RGPD8: variants seen among roughly 807,000 people sequenced by gnomAD.
RGPD8 encodes the protein RANBP2-like and GRIP domain-containing protein 8.
In RGPD8, 15 loss-of-function variants were observed where a neutral mutation model predicts 89.1. That is an observed-to-expected ratio of 0.17 (90% CI 0.11 to 0.26). The LOEUF (loss-of-function observed/expected upper bound fraction) is 0.26, where lower values mean the gene tolerates loss of function less well. Ranked by LOEUF, RGPD8 falls within the 10% of genes least tolerant of loss-of-function variation. The probability of loss-of-function intolerance (pLI) is 1.00; values close to 1 mark genes in which losing one functional copy is unlikely to be tolerated. For missense variants in RGPD8, 178 were observed against 1,179.6 expected (o/e 0.15, Z 12.44); for synonymous variants, 62 against 420.9 (o/e 0.15, Z 10.44).
At chr2:112,373,661 TA>T (rs766722908) in intron 22 of RGPD8, among the ~76,000 whole-genome samples, 667 of 150,738 alleles carry the variant, frequency 4.4e-3, no homozygotes, top group Non-Finnish European at 7.0e-3. Flanking sequence ...TATTTCTTAA[TA>T]TTTTTTTAAA....
chr2:112,381,824 CA>C (rs1424534109), intron 20 of RGPD8, among the ~76,000 whole-genome samples: 107 of 150,902 alleles, frequency 7.1e-4, no homozygotes, highest in Non-Finnish European at 7.0e-4. Flanking sequence ...AAGCCTAGGG[CA>C]AGAGCTAGCA....
At chr2:112,373,317 G>C (rs1678014630) in intron 22 of RGPD8, among the ~76,000 whole-genome samples, 1 of 152,292 alleles carries the variant, frequency 6.6e-6, no homozygotes, top group South Asian at 2.1e-4. Flanking sequence ...TTATAACGCA[G>C]AGTTGTAACA....
At chr2:112,430,659 A>G (rs1196941345) in intron 1 of RGPD8, among the ~76,000 whole-genome samples, 1 of 147,552 alleles carries the variant, frequency 6.8e-6, no homozygotes, top group Admixed American at 6.7e-5. Context: ...TTTTTTTTTT[A>G]AGCTTGTTTA....
At chr2:112,415,618 T>G (rs1679367534) in intron 6 of RGPD8, among the ~76,000 whole-genome samples, 1 of 151,238 alleles carries the variant, frequency 6.6e-6, no homozygotes, top group Admixed American at 6.6e-5. Context: ...GGATAAGCTC[T>G]TATTCAGAGC....
rs1016841179 is a variant in RGPD8, at chr2:112,387,767, C to T, written c.4921+257G>A. On this transcript the variant is annotated intron_variant, in intron 20 of 22. Transcript: ENST00000302558. Reference sequence around the variant, plus strand: ...CATGATTCAAGCATGACTCCGTACACTGTACCAAGTTCTTTTGCTCTGCCC... The same window carrying T: ...CATGATTCAAGCATGACTCCGTACATTGTACCAAGTTCTTTTGCTCTGCCC... Among the ~76,000 whole-genome samples, 19 of 145,980 alleles carry T rather than the reference C, an allele frequency of 1.3e-4. 3 individuals carry two copies. Among genetic ancestry groups the T allele is most frequent in the African/African-American group, 4.7e-4 (19 of 40,020 alleles).
At chr2:112,432,287 A>G (rs1680073613) in intron 1 of RGPD8, among the ~76,000 whole-genome samples, 2 of 152,186 alleles carry the variant, frequency 1.3e-5, no homozygotes, top group South Asian at 4.1e-4. Context: ...CTTGTGGAAA[A>G]GGTTAAAAAT....
chr2:112,414,390 T>C (rs1574013807), intron 6 of RGPD8, among the ~76,000 whole-genome samples: 1 of 98,686 alleles, frequency 1.0e-5, no homozygotes, highest in African/African-American at 4.8e-5. Flanking sequence ...GGCAGGAGAA[T>C]CGCTTGAACC....
intron 1 of RGPD8, among the ~76,000 whole-genome samples, chr2:112,427,024 C>T (rs886974039): frequency 2.0e-4 from 30 of 151,796 alleles, no homozygotes; most frequent in African/African-American, 7.0e-4. Flanking sequence ...GTCGATCTCT[C>T]GACCTTGTGA....
At chr2:112,402,923 A>G (rs1420187151) in intron 9 of RGPD8, among the ~76,000 whole-genome samples, 2 of 9,886 alleles carry the variant, frequency 2.0e-4, no homozygotes, top group African/African-American at 5.8e-4. Context: ...GCTCATGCCT[A>G]TAATTCCAAC....
chr2:112,425,147 C>A (rs2104832770), intron 1 of RGPD8, among the ~76,000 whole-genome samples: 1 of 152,188 alleles, frequency 6.6e-6, no homozygotes, highest in Non-Finnish European at 1.5e-5. Flanking sequence ...TTTCATCAGC[C>A]TTGGAAATCT....
chr2:112,429,341 C>T (rs1356143312), intron 1 of RGPD8, among the ~76,000 whole-genome samples: 5 of 135,272 alleles, frequency 3.7e-5, no homozygotes, highest in East Asian at 2.3e-4. Context: ...GCGTGAACCC[C>T]GGAGGCAGAG....
intron 2 of RGPD8, among the ~76,000 whole-genome samples, chr2:112,423,637 G>C (rs1291425020): frequency 7.6e-5 from 11 of 144,018 alleles, no homozygotes; most frequent in African/African-American, 2.6e-4. Context: ...CCAGAAGGCA[G>C]AGGTTACAGT....
At chr2:112,414,155 G>A (rs1378449838) in intron 6 of RGPD8, among the ~76,000 whole-genome samples, 1 of 146,622 alleles carries the variant, frequency 6.8e-6, no homozygotes, top group Non-Finnish European at 1.5e-5. Flanking sequence ...CTTTTTTGCT[G>A]TTGGGAAATA....
In RGPD8 at chr2:112,430,890, A is replaced by G. The variant is rs537229821; in HGVS notation, c.72+2492T>C. On this transcript the variant is annotated intron_variant, in intron 1 of 22. Coordinates refer to ENST00000302558, the MANE Select transcript of RGPD8 (RefSeq NM_001164463.1). ...GAGGACGGATTGAGCCCAGGACGTC[A>G]ACGCTGCAGTGAGCCACGATCCCGC... Among the ~76,000 whole-genome samples the G allele has an allele frequency of 1.6e-4, 25 of 152,298 alleles. No homozygotes were observed. The South Asian group carries it at 5.0e-3, about 30-fold the overall frequency.
At chr2:112,411,127 A>G (rs1171770130) in intron 7 of RGPD8, among the ~76,000 whole-genome samples, 3 of 152,308 alleles carry the variant, frequency 2.0e-5, no homozygotes, top group African/African-American at 7.2e-5. Flanking sequence ...GGCCTTCTCT[A>G]AAAGTAATGA....
chr2:112,430,373 C>T (rs1422914567), intron 1 of RGPD8, among the ~76,000 whole-genome samples: 2 of 152,178 alleles, frequency 1.3e-5, no homozygotes, highest in Non-Finnish European at 2.9e-5. Context: ...AATAGCTTCA[C>T]ATGTTCCAGT....
At chr2:112,432,702 C>T (rs1403107291) in intron 1 of RGPD8, 2 of 985,154 alleles carry the variant, frequency 2.0e-6, no homozygotes, top group Non-Finnish European at 2.4e-6. Context: ...AGAACTAGGC[C>T]GCGCGGGTAC....
At chr2:112,429,637 C>A (rs1679937782) in intron 1 of RGPD8, among the ~76,000 whole-genome samples, 1 of 151,780 alleles carries the variant, frequency 6.6e-6, no homozygotes, top group African/African-American at 2.4e-5. Flanking sequence ...ATTTGATGAG[C>A]AACACAGCAA....
chr2:112,431,669 C>T (rs1249836505), intron 1 of RGPD8, among the ~76,000 whole-genome samples: 2 of 151,044 alleles, frequency 1.3e-5, no homozygotes, highest in Non-Finnish European at 2.9e-5. Flanking sequence ...TGGAGTCTCC[C>T]TCTGTCGCCC....
Sources: gnomAD v4.1 joint callset for allele counts (sites outside exome capture counted in the v4.1 genomes callset) on GRCh38, gnomAD v4.1.1 for gene constraint, MANE v1.5 for transcripts, NCBI Gene and HGNC (gene_info 2026-07-23, HGNC 2026-07-21) for gene names.